The following ADK variants were observed in gnomAD, a reference collection of about 807,000 sequenced individuals.
ADK encodes the protein adenosine kinase.
In ADK, 24 loss-of-function variants were observed where a neutral mutation model predicts 44.7. That is an observed-to-expected ratio of 0.54 (90% CI 0.39 to 0.76). The LOEUF (loss-of-function observed/expected upper bound fraction) is 0.76, where lower values mean the gene tolerates loss of function less well. ADK is among the 30% of genes least tolerant of loss of function. The pLI, the probability that ADK is intolerant of heterozygous loss-of-function variation, is 0.00. For missense variants in ADK, 321 were observed against 425.1 expected (o/e 0.76, Z 2.15); for synonymous variants, 128 against 142.6 (o/e 0.90, Z 0.73).
chr10:74,670,243 A>G lies in ADK; in HGVS notation c.938A>G (p.Asn313Ser), dbSNP rs150113467. Residue 313 changes from asparagine (N) to serine (S), a missense_variant, in exon 10 of 11, where the codon AAT (asparagine) becomes AGT (serine). Transcript: ENST00000539909. Reference sequence around the variant, plus strand: ...GACCAGAAAGAAATTATTGATACCAATGGAGCTGGAGATGCATTTGTTGGA... The same window carrying G: ...GACCAGAAAGAAATTATTGATACCAGTGGAGCTGGAGATGCATTTGTTGGA... Reference protein sequence around the residue: ...DQDQKEIIDTNGAGDAFVGGF... With the variant: ...DQDQKEIIDTSGAGDAFVGGF... 203 of 1,613,868 alleles carry G rather than the reference A, an allele frequency of 1.3e-4. No individual in the cohort carries two copies. The highest frequency in any genetic ancestry group is 1.3e-4 in the Non-Finnish European group (159 of 1,179,838).
In ADK at chr10:74,346,346, A is replaced by G. The variant is rs112088605; in HGVS notation, c.273+31601A>G. ...ATGGCTATATCGATCAGGGTTTTAC[A>G]CTTATAGTACAGTATACTTGCAATG... On this transcript the variant is annotated intron_variant, in intron 4 of 10. Transcript: ENST00000539909. Among the ~76,000 whole-genome samples, 753 of 152,238 alleles carry G rather than the reference A, an allele frequency of 4.9e-3. 10 individuals are homozygous for G. The highest frequency in any genetic ancestry group is 0.017 in the African/African-American group (702 of 41,530).
intron 4 of ADK, among the ~76,000 whole-genome samples, chr10:74,330,489 AC>A (rs1841180517): frequency 6.6e-6 from 1 of 152,138 alleles, no homozygotes; most frequent in African/African-American, 2.4e-5. Context: ...AAAAGGTAGA[AC>A]CTAATTTCCC....
Position 74,707,981 on chromosome 10 carries a change from T to C in ADK, c.965-340T>C, listed in dbSNP as rs1373383860. Among the ~76,000 whole-genome samples the C allele has an allele frequency of 2.0e-5, 3 of 151,968 alleles. No homozygotes were observed. The East Asian group carries it at 5.8e-4, about 30-fold the overall frequency. On this transcript the variant is annotated intron_variant, in intron 10 of 10. Transcript: ENST00000539909. The stretch of plus-strand genomic sequence containing the variant: ...GCCTGGCCAGCATGGTGAAACCCCA[T>C]CTCTACTGAAACTACAAGAATTAGC...
intron 2 of ADK, among the ~76,000 whole-genome samples, chr10:74,215,108 A>G (rs1001271109): frequency 6.6e-6 from 1 of 152,076 alleles, no homozygotes; most frequent in Non-Finnish European, 1.5e-5. Context: ...TTTGGAGTGT[A>G]TGTCATTTTT....
chr10:74,602,095 A>G (rs1264416632), intron 9 of ADK, among the ~76,000 whole-genome samples: 3 of 104,774 alleles, frequency 2.9e-5, no homozygotes, highest in African/African-American at 1.4e-4. Context: ...ACAGACCAAG[A>G]CCCTGTCTCC....
chr10:74,567,693 TTTTTTG>T (rs1850726702), intron 7 of ADK, among the ~76,000 whole-genome samples: 1 of 132,004 alleles, frequency 7.6e-6, no homozygotes, highest in African/African-American at 3.7e-5. Flanking sequence ...TTTTTTTGTT[TTTTTTG>T]TTTTTTTTTT....
intron 4 of ADK, among the ~76,000 whole-genome samples, chr10:74,353,343 T>C (rs1308825828): frequency 6.6e-6 from 1 of 151,782 alleles, no homozygotes; most frequent in Non-Finnish European, 1.5e-5. Flanking sequence ...CATTAATAAG[T>C]GGGAGTTGAA....
chr10:74,557,699 C>T (rs530853938), intron 7 of ADK, among the ~76,000 whole-genome samples: 15 of 152,300 alleles, frequency 9.8e-5, no homozygotes, highest in Admixed American at 2.0e-4. Context: ...CCCAACCTCC[C>T]TGCTGGCTTA....
At position 74,379,233 on chromosome 10, in the gene ADK, C is replaced by T. The variant is rs558501465; in HGVS notation, c.274-14908C>T. On this transcript the variant is annotated intron_variant, in intron 4 of 10. Coordinates refer to ENST00000539909, the MANE Select transcript of ADK (RefSeq NM_006721.4). ...GGAAGCAGAGAGGTTAGGAAATCATCGCAACAGTCTAGGCAAGCAGTTATG... is the reference window on the plus strand; with the variant it reads ...GGAAGCAGAGAGGTTAGGAAATCATTGCAACAGTCTAGGCAAGCAGTTATG... Among the ~76,000 whole-genome samples the T allele has an allele frequency of 7.2e-5, 11 of 152,224 alleles. No homozygotes were observed. The South Asian group carries it at 1.2e-3, about 17-fold the overall frequency.
intron 6 of ADK, among the ~76,000 whole-genome samples, chr10:74,501,223 TGTTAA>T (rs1847874161): frequency 6.6e-6 from 1 of 152,246 alleles, no homozygotes; most frequent in African/African-American, 2.4e-5. Flanking sequence ...TTTTGTGTTC[TGTTAA>T]GTTAAAACAG....
At chr10:74,518,951 C>T (rs1335758851) in intron 6 of ADK, among the ~76,000 whole-genome samples, 1 of 151,918 alleles carries the variant, frequency 6.6e-6, no homozygotes, top group East Asian at 1.9e-4. Flanking sequence ...TTTTCATCAT[C>T]ATCATCATTT....
chr10:74,351,115 G>C (rs1229371606), intron 4 of ADK, among the ~76,000 whole-genome samples: 3 of 152,092 alleles, frequency 2.0e-5, no homozygotes, highest in Admixed American at 1.3e-4. Flanking sequence ...ACTTGACAGA[G>C]ACACAACAAA....
At chr10:74,339,922 T>A (rs1841530011) in intron 4 of ADK, among the ~76,000 whole-genome samples, 1 of 152,206 alleles carries the variant, frequency 6.6e-6, no homozygotes, top group Non-Finnish European at 1.5e-5. Flanking sequence ...TGGAGGTTTC[T>A]TTACTATATC....
At chr10:74,161,092 C>G (rs967533943) in intron 1 of ADK, among the ~76,000 whole-genome samples, 15 of 152,186 alleles carry the variant, frequency 9.9e-5, no homozygotes, top group African/African-American at 3.4e-4. Context: ...CATGTTTTAT[C>G]TCACCTATTG....
At chr10:74,650,734 A>G (rs1016553572) in intron 9 of ADK, among the ~76,000 whole-genome samples, 4 of 152,198 alleles carry the variant, frequency 2.6e-5, no homozygotes, top group African/African-American at 9.7e-5. Context: ...TGCAGTACTG[A>G]CAGCGATATC....
At chr10:74,687,266 C>T (rs1855828266) in intron 10 of ADK, among the ~76,000 whole-genome samples, 1 of 152,212 alleles carries the variant, frequency 6.6e-6, no homozygotes, top group Non-Finnish European at 1.5e-5. Flanking sequence ...CACTCCAGTT[C>T]TTCACTAATT....
In ADK at chr10:74,493,098, C is replaced by A. The variant is rs570821533; in HGVS notation, c.556-32158C>A. 2.5e-4 allele frequency among the ~76,000 whole-genome samples: 38 copies of A among 152,230 alleles called. No individual in the cohort carries two copies. The South Asian group carries it at 7.5e-3, about 30-fold the overall frequency. On this transcript the variant is annotated intron_variant, in intron 6 of 10. Coordinates refer to ENST00000539909, the MANE Select transcript of ADK (RefSeq NM_006721.4). ...TGGCTTTCAGCTTCAATTTTTATATCTGTAAAATGAACCTAATTGATGTAA... is the reference window on the plus strand; with the variant it reads ...TGGCTTTCAGCTTCAATTTTTATATATGTAAAATGAACCTAATTGATGTAA...
At chr10:74,677,965 CAAAAAAAA>C (rs3037448) in intron 10 of ADK, among the ~76,000 whole-genome samples, 34 of 43,076 alleles carry the variant, frequency 7.9e-4, no homozygotes, top group East Asian at 5.1e-3. Flanking sequence ...CCAGTCTCTA[CAAAAAAAA>C]AAAAAAAAAA....
chr10:74,199,578 C>G (rs553814076), intron 1 of ADK, among the ~76,000 whole-genome samples: 4 of 152,244 alleles, frequency 2.6e-5, no homozygotes, highest in African/African-American at 9.6e-5. Flanking sequence ...TTTTCTTTAT[C>G]CATTCTACCA....
Sources: allele counts gnomAD v4.1 joint callset (sites outside exome capture counted in the v4.1 genomes callset), GRCh38; gene constraint gnomAD v4.1.1; transcripts MANE v1.5; gene names NCBI Gene and HGNC (gene_info 2026-07-23, HGNC 2026-07-21).